EIF4G3: variants seen among roughly 807,000 people sequenced by gnomAD.
EIF4G3 encodes the protein eukaryotic translation initiation factor 4 gamma 3.
A neutral mutation model predicts 186.4 loss-of-function variants in EIF4G3; 34 were observed. The ratio of observed to expected loss-of-function variants is 0.18; its 90% confidence interval spans 0.14 to 0.24. EIF4G3 has a LOEUF of 0.24. EIF4G3 is among the 10% of genes least tolerant of loss of function. The pLI is 1.00. For synonymous variants in EIF4G3, 673 were observed against 679.5 expected (o/e 0.99, Z 0.15); for missense variants, 1,536 against 1,948.5 (o/e 0.79, Z 3.99).
chr1:21,056,892 T>C (rs2094584342), intron 3 of EIF4G3, among the ~76,000 whole-genome samples: 1 of 152,254 alleles, frequency 6.6e-6, no homozygotes, highest in Non-Finnish European at 1.5e-5. Flanking sequence ...ATAATATTAA[T>C]CCTAAGCAAA....
intron 3 of EIF4G3, among the ~76,000 whole-genome samples, chr1:21,068,396 A>AAACAAAAC (rs2095336577): frequency 6.7e-6 from 1 of 148,708 alleles, no homozygotes; most frequent in Non-Finnish European, 1.5e-5. Context: ...AAAAAAAAAA[A>AAACAAAAC]AAAACAGAAT....
chr1:20,969,474 C>A lies in EIF4G3; in HGVS notation c.714G>T (p.Gln238His). ...GRPTSTPTPP[Q>H]QLPSQVPEHS... ...TCCATTACAGCTCACTCTGTCTTAC[C>A]TGAGGAGGAGTAGGTGTGGACGTGG... The change falls in exon 12 of 37, where the codon CAG (glutamine) becomes CAT (histidine). Residue 238 changes from glutamine to histidine, a missense_variant and splice_region_variant. Physicochemically the swap from Gln to His is conservative, Grantham distance 24 (BLOSUM62 0). Coordinates refer to ENST00000602326, the MANE Select transcript of EIF4G3 (RefSeq NM_001391906.1). The A allele has an allele frequency of 1.2e-6, 2 of 1,613,682 alleles. No homozygotes were observed. Among genetic ancestry groups the A allele is most frequent in the Non-Finnish European group, 8.5e-7 (1 of 1,179,694 alleles).
intron 12 of EIF4G3, among the ~76,000 whole-genome samples, chr1:20,962,826 G>A (rs925525785): frequency 6.6e-5 from 10 of 151,958 alleles, no homozygotes; most frequent in South Asian, 2.1e-4. Context: ...GCAACAGGAG[G>A]TGGCTATAAA....
intron 3 of EIF4G3, among the ~76,000 whole-genome samples, chr1:21,054,340 C>T (rs1483286969): frequency 1.5e-5 from 2 of 134,112 alleles, no homozygotes; most frequent in African/African-American, 5.2e-5. Flanking sequence ...TGCGGAAGGC[C>T]GCAGGGTCCT....
chr1:20,829,009 C>G, intron 31 of EIF4G3, 138 bp downstream of exon 31: 3 of 890,350 alleles, frequency 3.4e-6, no homozygotes, highest in Admixed American at 5.1e-5. Context: ...ACACTGAAAT[C>G]AGAAGTCTTA....
rs2076543691 is a variant in EIF4G3, at chr1:20,862,311, T to A, written c.3028A>T (p.Asn1010Tyr). The change falls in exon 23 of 37, where the codon AAT (asparagine) becomes TAT (tyrosine). Residue 1010 changes from asparagine to tyrosine, a missense_variant. By Grantham distance (143) the Asn-to-Tyr change is moderately radical (BLOSUM62 -2). This residue lies in a region of EIF4G3 where 110 missense variants were observed against 166.2 expected (regional missense o/e 0.66). Coordinates refer to ENST00000602326, the MANE Select transcript of EIF4G3 (RefSeq NM_001391906.1). ...KAKPRMDQYF[N>Y]QMEKIVKERK... ...TCTTTCACAATTTTCTCCATCTGAT[T>A]AAAGTACTGGTCCATACGTGGCTGC... 1 of 1,611,482 alleles carries A rather than the reference T, an allele frequency of 6.2e-7. No individual in the cohort carries two copies. Among genetic ancestry groups the A allele is most frequent in the Non-Finnish European group, 8.5e-7 (1 of 1,178,372 alleles).
chr1:20,949,807 G>GA (rs2096126763), intron 13 of EIF4G3, among the ~76,000 whole-genome samples, 196 bp downstream of exon 13: 1 of 152,116 alleles, frequency 6.6e-6, no homozygotes, highest in Non-Finnish European at 1.5e-5. Flanking sequence ...ACAAATGTAT[G>GA]AAATAATTTT....
At chr1:21,125,846 C>A (rs2097029976) in intron 2 of EIF4G3, among the ~76,000 whole-genome samples, 1 of 151,392 alleles carries the variant, frequency 6.6e-6, no homozygotes, top group South Asian at 2.1e-4. Context: ...GTTCTATGCA[C>A]ATTAATTCAT....
chr1:20,830,248 C>T (rs1444391272), intron 30 of EIF4G3, among the ~76,000 whole-genome samples: 2 of 152,120 alleles, frequency 1.3e-5, no homozygotes, highest in African/African-American at 2.4e-5. Context: ...CAGAGGCCTA[C>T]ATCTCACTAA....
At chr1:20,902,264 A>G (rs2090586039) in intron 15 of EIF4G3, among the ~76,000 whole-genome samples, 1 of 152,110 alleles carries the variant, frequency 6.6e-6, no homozygotes, top group African/African-American at 2.4e-5. Context: ...GGGTTTCACC[A>G]TGTTGGTCAG....
intron 7 of EIF4G3, among the ~76,000 whole-genome samples, chr1:20,991,340 G>C (rs972177664): frequency 6.6e-6 from 1 of 152,094 alleles, no homozygotes; most frequent in Admixed American, 6.5e-5. Context: ...GGCTAAGATG[G>C]GCGGATCGCT....
intron 23 of EIF4G3, among the ~76,000 whole-genome samples, chr1:20,862,017 T>C (rs901613809): frequency 2.6e-5 from 4 of 151,974 alleles, no homozygotes; most frequent in Non-Finnish European, 4.4e-5. Flanking sequence ...TATGGTTTGA[T>C]AATCAGAATA....
chr1:21,150,290 A>C (rs1384406867), intron 2 of EIF4G3, among the ~76,000 whole-genome samples: 2 of 152,226 alleles, frequency 1.3e-5, no homozygotes, highest in African/African-American at 4.8e-5. Context: ...CTCTTAACAA[A>C]AATAACAATG....
At chr1:20,899,429 C>T (rs1294260237) in intron 16 of EIF4G3, among the ~76,000 whole-genome samples, 4 of 152,120 alleles carry the variant, frequency 2.6e-5, no homozygotes, top group Non-Finnish European at 5.9e-5. Context: ...CAAACTGCAC[C>T]CACTAGCATG....
At chr1:20,923,044 G>C (rs903126767) in intron 14 of EIF4G3, among the ~76,000 whole-genome samples, 4 of 152,124 alleles carry the variant, frequency 2.6e-5, no homozygotes, top group Non-Finnish European at 2.9e-5. Context: ...CCTTTACAGA[G>C]AGTAAAGGTT....
intron 3 of EIF4G3, among the ~76,000 whole-genome samples, chr1:21,051,902 A>C (rs1274356948): frequency 1.3e-5 from 2 of 151,900 alleles, no homozygotes; most frequent in African/African-American, 2.4e-5. Context: ...ACATCTAAAT[A>C]TACATATACA....
intron 2 of EIF4G3, among the ~76,000 whole-genome samples, chr1:21,131,126 G>A (rs2097143924): frequency 6.6e-6 from 1 of 151,574 alleles, no homozygotes. Flanking sequence ...TGTAATCCCA[G>A]CTACTCAGGA....
At position 21,176,878 on chromosome 1, in the gene EIF4G3, A is replaced by C. The variant is rs1279381149; in HGVS notation, c.-612T>G. ...CCAACATGGCGCTGTGGCCGCCTCCAGCAGTCCGGCAGGACGGCTGCTCGG... is the reference window on the plus strand; with the variant it reads ...CCAACATGGCGCTGTGGCCGCCTCCCGCAGTCCGGCAGGACGGCTGCTCGG... On this transcript the variant is annotated 5_prime_UTR_variant, in exon 1 of 37. Coordinates refer to ENST00000602326, the MANE Select transcript of EIF4G3 (RefSeq NM_001391906.1). 8.6e-6 allele frequency: 6 copies of C among 695,504 alleles called. No homozygotes were observed. In the East Asian group the frequency reaches 1.7e-4, roughly 19 times the overall value. The allele number at this position is 695,504 out of a possible 1,614,324, so 43.1% of individuals were successfully genotyped here.
intron 4 of EIF4G3, among the ~76,000 whole-genome samples, chr1:21,036,121 G>A (rs972137322): frequency 6.6e-6 from 1 of 151,910 alleles, no homozygotes; most frequent in African/African-American, 2.4e-5. Context: ...GACGACCAAA[G>A]GCAGAGAGGA....
Sources: allele counts gnomAD v4.1 joint callset (sites outside exome capture counted in the v4.1 genomes callset), GRCh38; gene constraint gnomAD v4.1.1; regional missense constraint gnomAD v4.1.1; transcripts MANE v1.5; gene names NCBI Gene and HGNC (gene_info 2026-07-23, HGNC 2026-07-21).